DNMT3A: variants seen among roughly 807,000 people sequenced by gnomAD.
The protein encoded by DNMT3A is DNA (cytosine-5)-methyltransferase 3A.
Under a neutral mutation model 117.6 loss-of-function variants are expected in DNMT3A, and 267 were observed. The observed-to-expected ratio is 2.27, with a 90% CI of 2.05 to 2.51. DNMT3A has a LOEUF of 2.51. Ranked by LOEUF, DNMT3A falls within the 30% of genes most tolerant of loss-of-function variation. The probability of loss-of-function intolerance (pLI) is 0.00; values close to 1 mark genes in which losing one functional copy is unlikely to be tolerated. For missense variants in DNMT3A, 1,029 were observed against 1,260.2 expected (o/e 0.82, Z 2.78); for synonymous variants, 432 against 474.8 (o/e 0.91, Z 1.17).
At chr2:25,341,786 CG>C (rs1422144183) in intron 1 of DNMT3A, 39 bp downstream of exon 1, 1 of 978,942 alleles carries the variant, frequency 1.0e-6, no homozygotes, top group Non-Finnish European at 1.2e-6. Flanking sequence ...CCGCCGCCTC[CG>C]GGCCGGCCTT....
chr2:25,246,250 C>A lies in DNMT3A; in HGVS notation c.1339G>T (p.Ala447Ser). 1 of 1,614,118 alleles carries A rather than the reference C, an allele frequency of 6.2e-7. No individual in the cohort carries two copies. The highest frequency in any genetic ancestry group is 8.5e-7 in the Non-Finnish European group (1 of 1,179,988). ...TTGGCTGGTGGAGGTGGTGCGTAGG[C>A]AGCTGCCTCAGGTTCCACCCACATG... ...TDMWVEPEAA[A>S]YAPPPPAKKP... Residue 447 changes from alanine to serine, a missense_variant, in exon 11 of 23, where the codon GCC (alanine) becomes TCC (serine). Transcript: ENST00000321117.
At chr2:25,316,781 A>C (rs1353227710) in intron 1 of DNMT3A, among the ~76,000 whole-genome samples, 2 of 152,184 alleles carry the variant, frequency 1.3e-5, no homozygotes, top group African/African-American at 2.4e-5. Flanking sequence ...CACAGCCACC[A>C]CCACTGCCAC....
Position 25,246,060 on chromosome 2 carries a change from C to T in DNMT3A, c.1434G>A (p.Arg478=). The T allele has an allele frequency of 6.2e-7, 1 of 1,614,204 alleles. No individual in the cohort carries two copies. The highest frequency in any genetic ancestry group is 2.2e-5 in the East Asian group (1 of 44,888). ...KEIIDERTRE[R]LVYEVRQKCR... is the part of the protein sequence containing the mutation. ...ACTTCTGCCGCACCTCGTACACCAGCCGCTCTGCAAGGGGAGGAGAGCTGG... is the reference window on the plus strand; with the variant it reads ...ACTTCTGCCGCACCTCGTACACCAGTCGCTCTGCAAGGGGAGGAGAGCTGG... The change falls in exon 12 of 23, where the codon CGG becomes CGA. Residue 478 remains arginine, a synonymous_variant. Transcript: ENST00000321117.
intron 1 of DNMT3A, among the ~76,000 whole-genome samples, chr2:25,328,049 C>G (rs1035173948): frequency 2.0e-5 from 3 of 152,166 alleles, no homozygotes; most frequent in African/African-American, 7.2e-5. Flanking sequence ...TACCTCCCAC[C>G]CCACCCTATC....
rs1673013009 is a variant in DNMT3A at position 25,233,764 on chromosome 2, TAAAAAAAAAAACCCAAAAAAA to T, written c.*494_*514del. ...GAGACAACAAAAAAAAGATATATAG[TAAAAAAAAAAACCCAAAAAAA>T]AAAAACAAAAAACAAAAAAAAAAAC... On this transcript the variant is annotated 3_prime_UTR_variant, in exon 23 of 23. Coordinates refer to ENST00000321117, the MANE Select transcript of DNMT3A (RefSeq NM_022552.5). 3.1e-5 allele frequency: 2 copies of T among 65,510 alleles called. No homozygotes were observed. The highest frequency in any genetic ancestry group is 5.6e-4 in the Admixed American group (2 of 3,584). 4.1% of individuals were successfully genotyped at this position (65,510 alleles called of 1,614,324 possible).
In DNMT3A at chr2:25,236,204, TA is replaced by T. The variant is rs1673350256; in HGVS notation, c.2479-380del. ...CCTCAGACTCCTGAGTAGCTGGGACTACAGGCGCCCGCCACCATGCCTGGCT... is the reference window on the plus strand; with the variant it reads ...CCTCAGACTCCTGAGTAGCTGGGACTCAGGCGCCCGCCACCATGCCTGGCT... On this transcript the variant is annotated intron_variant, in intron 21 of 22. Transcript: ENST00000321117. The surrounding 1 kb of genome is among the most constrained non-coding windows in gnomAD (Gnocchi z 4.5). Among the ~76,000 whole-genome samples the T allele has an allele frequency of 6.6e-6, 1 of 152,174 alleles. No homozygotes were observed. Among genetic ancestry groups the T allele is most frequent in the Non-Finnish European group, 1.5e-5 (1 of 68,034 alleles).
At chr2:25,275,329 G>A (rs576009989) in intron 5 of DNMT3A, among the ~76,000 whole-genome samples, 171 bp downstream of exon 5, 34 of 152,298 alleles carry the variant, frequency 2.2e-4, no homozygotes, top group African/African-American at 7.9e-4. Context: ...GGGATGAGCC[G>A]GCTGCCTTGT....
chr2:25,260,814 G>A (rs185788720), intron 6 of DNMT3A, among the ~76,000 whole-genome samples: 78 of 152,234 alleles, frequency 5.1e-4, no homozygotes, highest in African/African-American at 1.7e-3. Context: ...CGGGGTGGTC[G>A]CAGGGAGTTG....
At chr2:25,272,447 A>C (rs1192562577) in intron 6 of DNMT3A, among the ~76,000 whole-genome samples, 1 of 152,142 alleles carries the variant, frequency 6.6e-6, no homozygotes, top group Non-Finnish European at 1.5e-5. Flanking sequence ...AGAATCATGG[A>C]ATTTCTGAAA....
At chr2:25,259,342 AT>A (rs1676419548) in intron 6 of DNMT3A, among the ~76,000 whole-genome samples, 1 of 152,162 alleles carries the variant, frequency 6.6e-6, no homozygotes, top group Non-Finnish European at 1.5e-5. Flanking sequence ...CTGATACCGG[AT>A]CTCAGGTGCC....
intron 1 of DNMT3A, among the ~76,000 whole-genome samples, chr2:25,319,484 C>T (rs766174086): frequency 2.3e-4 from 35 of 152,244 alleles, no homozygotes; most frequent in Admixed American, 1.5e-3. Flanking sequence ...TGAGGCCTCA[C>T]GCTCCTTTCC....
Position 25,249,694 on chromosome 2 carries a change from C to A in DNMT3A, c.640-1442G>T, listed in dbSNP as rs759098578. 3 of 1,614,086 alleles carry A rather than the reference C, an allele frequency of 1.9e-6. No homozygotes were observed. The African/African-American group carries it at 4.0e-5, about 22-fold the overall frequency. ...GTCTTTCAGGCTACGATCCACGCGCCCATTCCTTCTCACAACCCGCTCCAG... is the reference window on the plus strand; with the variant it reads ...GTCTTTCAGGCTACGATCCACGCGCACATTCCTTCTCACAACCCGCTCCAG... On this transcript the variant is annotated intron_variant, in intron 6 of 22. Coordinates refer to ENST00000321117, the MANE Select transcript of DNMT3A (RefSeq NM_022552.5).
At chr2:25,245,584 C>G (rs934100584) in intron 12 of DNMT3A, among the ~76,000 whole-genome samples, 2 of 152,352 alleles carry the variant, frequency 1.3e-5, no homozygotes, top group African/African-American at 4.8e-5. Context: ...TCATGAGAAG[C>G]AGCCCTGGTT....
intron 6 of DNMT3A, among the ~76,000 whole-genome samples, chr2:25,264,487 A>G (rs2030078108): frequency 6.8e-6 from 1 of 147,418 alleles, no homozygotes; most frequent in Non-Finnish European, 1.5e-5. Flanking sequence ...TTTTTTTGTG[A>G]GACAGAGTCT....
chr2:25,290,241 A>G (rs1338672169), intron 3 of DNMT3A, among the ~76,000 whole-genome samples: 2 of 151,938 alleles, frequency 1.3e-5, no homozygotes, highest in African/African-American at 4.8e-5. Flanking sequence ...CTCAAATTCA[A>G]CGATTTTCCT....
Position 25,282,410 on chromosome 2 carries a change from G to A in DNMT3A, c.448+31C>T, listed in dbSNP as rs2149378488. 3.7e-6 allele frequency: 6 copies of A among 1,604,782 alleles called. No individual in the cohort carries two copies. Among genetic ancestry groups the A allele is most frequent in the Non-Finnish European group, 5.1e-6 (6 of 1,176,168 alleles). On this transcript the variant is annotated intron_variant, in intron 4 of 22. Transcript: ENST00000321117. This position sits in a 1 kb window ranked among gnomAD's most constrained non-coding sequence, Gnocchi z 5.2. ...CTCTCAGGGTATGCTGGTGGGCCCAGAAGAGGCTGCCCCTGGTGCTGAGGA... is the reference window on the plus strand; with the variant it reads ...CTCTCAGGGTATGCTGGTGGGCCCAAAAGAGGCTGCCCCTGGTGCTGAGGA...
In DNMT3A at chr2:25,282,276, C is replaced by A. The variant is rs1021623741; in HGVS notation, c.448+165G>T. ...CTCTATGGGCCAAATAAAACATATG[C>A]GCAGGCTGCATCCAGCCAGTAGCCT... On this transcript the variant is annotated intron_variant, in intron 4 of 22. Transcript: ENST00000321117. The surrounding 1 kb of genome is among the most constrained non-coding windows in gnomAD (Gnocchi z 5.2). The A allele has an allele frequency of 7.6e-5, 108 of 1,429,740 alleles. No individual in the cohort carries two copies. Among genetic ancestry groups the A allele is most frequent in the Non-Finnish European group, 2.3e-5 (25 of 1,092,394 alleles). The allele number at this position is 1,429,740 out of a possible 1,614,324, so 88.6% of individuals were successfully genotyped here. A position where few individuals can be genotyped will look rare whatever the true frequency, so the allele number is the denominator to read the frequency against.
In DNMT3A at chr2:25,246,717, G is replaced by A. The variant is rs566743984; in HGVS notation, c.1182C>T (p.Asp394=). The A allele has an allele frequency of 3.1e-6, 5 of 1,613,920 alleles. No homozygotes were observed. In the South Asian group the frequency reaches 5.5e-5, roughly 18 times the overall value. Residue 394 remains aspartate (D), a synonymous_variant, in exon 10 of 23, where the codon GAC becomes GAT. Coordinates refer to ENST00000321117, the MANE Select transcript of DNMT3A (RefSeq NM_022552.5). ...TCTGCACCTCCACGGCCTTGGCAGT[G>A]TCACTCTCATCGCTGTCGTGGCACA... ...FPVCHDSDES[D]TAKAVEVQNK...
chr2:25,297,093 G>C (rs555966239), intron 3 of DNMT3A, among the ~76,000 whole-genome samples: 3 of 152,160 alleles, frequency 2.0e-5, no homozygotes, highest in Non-Finnish European at 4.4e-5. Context: ...GCATGGGAGG[G>C]GAAGAGGCCA....
Sources: allele counts gnomAD v4.1 joint callset (sites outside exome capture counted in the v4.1 genomes callset), GRCh38; gene constraint gnomAD v4.1.1; non-coding constraint Gnocchi (gnomAD v3.1); transcripts MANE v1.5; gene names NCBI Gene and HGNC (gene_info 2026-07-23, HGNC 2026-07-21).